The following PLCH2 variants were observed in gnomAD, a reference collection of about 807,000 sequenced individuals.
The protein encoded by PLCH2 is phospholipase C eta 2.
In PLCH2, 98 loss-of-function variants were observed where a neutral mutation model predicts 134.7. The ratio of observed to expected loss-of-function variants is 0.73; its 90% CI spans 0.62 to 0.86. PLCH2 has a LOEUF of 0.86. Among genes scored for constraint, PLCH2 ranks in the 40% least tolerant of loss-of-function variants. The pLI, the probability that PLCH2 is intolerant of heterozygous loss-of-function variation, is 0.00. For missense variants in PLCH2, 1,994 were observed against 1,986.6 expected (o/e 1.00, Z -0.07); for synonymous variants, 974 against 827.5 (o/e 1.18, Z -3.04).
chr1:2,423,538 C>T (rs755845147), upstream of PLCH2, among the ~76,000 whole-genome samples: 32 of 152,078 alleles, frequency 2.1e-4, no homozygotes, highest in Non-Finnish European at 2.4e-4. Context: ...AAATCCACCT[C>T]CCCTGGAGTT....
intron 2 of PLCH2, among the ~76,000 whole-genome samples, chr1:2,441,198 A>G (rs1639676334): frequency 6.6e-6 from 1 of 152,178 alleles, no homozygotes; most frequent in Non-Finnish European, 1.5e-5. Context: ...GGGGATGGGA[A>G]AAGTGGAGAG....
In PLCH2 at chr1:2,504,053, C is replaced by T; in HGVS notation, c.3091C>T (p.Pro1031Ser). 6.5e-7 allele frequency: 1 copy of T among 1,546,470 alleles called. No homozygotes were observed. Among genetic ancestry groups the T allele is most frequent in the Non-Finnish European group, 8.7e-7 (1 of 1,144,738 alleles). ...CCCCACCAGCTCTTCTCAGGGACGG[C>T]CCCCATACCCCACAGGACCCGGAGC... ...AVPTSSSQGR[P>S]PYPTGPGANV... Residue 1031 changes from proline (P) to serine (S), a missense_variant, in exon 22 of 22, where the codon CCC becomes TCC. Pro to Ser is a moderately conservative substitution (Grantham distance 74). Coordinates refer to ENST00000378486, the MANE Select transcript of PLCH2 (RefSeq NM_014638.4).
At chr1:2,483,057 C>T (rs572370809) in intron 4 of PLCH2, among the ~76,000 whole-genome samples, 5 of 152,172 alleles carry the variant, frequency 3.3e-5, no homozygotes, top group African/African-American at 4.8e-5. Flanking sequence ...GAGGACCCAG[C>T]GGGGCTTGTC....
At position 2,504,131 on chromosome 1, in the gene PLCH2, C is replaced by T. The variant is rs957287759; in HGVS notation, c.3169C>T (p.Arg1057Trp). ...TGAGGAGCCCCGAGACAGCAGGCCTCGGCCGTGCAACGGCGAGGGCGCCGG... is the reference window on the plus strand; with the variant it reads ...TGAGGAGCCCCGAGACAGCAGGCCTTGGCCGTGCAACGGCGAGGGCGCCGG... The part of the protein sequence containing the change: ...DTEEPRDSRP[R>W]PCNGEGAGGA... Residue 1057 changes from arginine to tryptophan, a missense_variant, in exon 22 of 22, where the codon CGG becomes TGG. Transcript: ENST00000378486. The T allele has an allele frequency of 5.6e-5, 86 of 1,522,942 alleles. No individual in the cohort carries two copies. Among genetic ancestry groups the T allele is most frequent in the East Asian group, 3.7e-4 (15 of 41,018 alleles). The allele number at this position is 1,522,942 out of a possible 1,614,324, so 94.3% of individuals were successfully genotyped here.
Position 2,489,395 on chromosome 1 carries a change from C to A in PLCH2, c.1407+17C>A. 6.2e-7 allele frequency: 1 copy of A among 1,612,194 alleles called. No homozygotes were observed. The highest frequency in any genetic ancestry group is 8.5e-7 in the Non-Finnish European group (1 of 1,178,994). ...CTCGTGAAGGTGAGTGAGCCCCTGCCCTCCTGGGACCAGCTCACACAGAGT... is the reference window on the plus strand; with the variant it reads ...CTCGTGAAGGTGAGTGAGCCCCTGCACTCCTGGGACCAGCTCACACAGAGT... On this transcript the variant is annotated intron_variant, in intron 9 of 21. Coordinates refer to ENST00000378486, the MANE Select transcript of PLCH2 (RefSeq NM_014638.4).
intron 2 of PLCH2, among the ~76,000 whole-genome samples, chr1:2,451,430 G>C (rs373997763): frequency 4.6e-5 from 7 of 152,294 alleles, no homozygotes; most frequent in African/African-American, 1.7e-4. Flanking sequence ...GATCAGTGCC[G>C]CCCCTCTGGA....
Position 2,498,809 on chromosome 1 carries a change from C to T in PLCH2, c.2415C>T (p.Thr805=). The change falls in exon 18 of 22, where the codon ACC becomes ACT. Residue 805 remains threonine (T), a synonymous_variant. Coordinates refer to ENST00000378486, the MANE Select transcript of PLCH2 (RefSeq NM_014638.4). The surrounding 1 kb of genome is among the most constrained non-coding windows in gnomAD (Gnocchi z 5.4). ...GLPVDCSREQ[T]RVVDDNGFNP... is the part of the protein sequence containing the mutation. ...CTGTGGACTGCAGCAGGGAGCAGAC[C>T]CGCGTGGTGGACGACAACGGTGAGG... 6.2e-7 allele frequency: 1 copy of T among 1,610,422 alleles called. No individual in the cohort carries two copies. Among genetic ancestry groups the T allele is most frequent in the South Asian group, 1.1e-5 (1 of 90,646 alleles).
Position 2,498,722 on chromosome 1 carries a change from C to T in PLCH2, c.2350-22C>T, listed in dbSNP as rs544683663. 24 of 1,594,348 alleles carry T rather than the reference C, an allele frequency of 1.5e-5. No homozygotes were observed. The highest frequency in any genetic ancestry group is 3.4e-4 in the Middle Eastern group (2 of 5,940). ...CGGGCATCGCGATGGGCCCTGATGCCACCCCCACTCCTGTGTCCCAGATCA... is the reference window on the plus strand; with the variant it reads ...CGGGCATCGCGATGGGCCCTGATGCTACCCCCACTCCTGTGTCCCAGATCA... On this transcript the variant is annotated intron_variant, in intron 17 of 21. Transcript: ENST00000378486. This position sits in a 1 kb window ranked among gnomAD's most constrained non-coding sequence, Gnocchi z 5.4.
At chr1:2,425,159 C>T (rs1234629127), upstream of PLCH2, among the ~76,000 whole-genome samples, 5 of 128,616 alleles carry the variant, frequency 3.9e-5, no homozygotes, top group African/African-American at 6.1e-5. Context: ...TGTGACACTC[C>T]GTCTCAAAAA....
At chr1:2,462,737 CT>C (rs1198419571), upstream of PLCH2, among the ~76,000 whole-genome samples, 1 of 151,966 alleles carries the variant, frequency 6.6e-6, no homozygotes, top group Non-Finnish European at 1.5e-5. Flanking sequence ...AGTAGGGGAT[CT>C]TTGTGCTGGG....
intron 2 of PLCH2, among the ~76,000 whole-genome samples, chr1:2,478,867 C>T (rs1476406891): frequency 6.6e-6 from 1 of 152,128 alleles, no homozygotes; most frequent in Non-Finnish European, 1.5e-5. Context: ...TGTGCCCAGC[C>T]CTGTGCTGAG....
chr1:2,450,309 G>T (rs906386867), intron 2 of PLCH2, among the ~76,000 whole-genome samples: 3 of 152,072 alleles, frequency 2.0e-5, no homozygotes, highest in African/African-American at 7.2e-5. Flanking sequence ...CTCCAGCACA[G>T]GCGGCCGGTC....
intron 2 of PLCH2, among the ~76,000 whole-genome samples, chr1:2,450,539 T>TTGTCCCCCAATTCCCCACC (rs1323970534): frequency 4.4e-5 from 1 of 22,680 alleles, no homozygotes; most frequent in Non-Finnish European, 8.4e-5. Context: ...CACTCCCCGC[T>TTGTCCCCCAATTCCCCACC]TGCCCCCCAA....
chr1:2,504,811 G>T lies in PLCH2; in HGVS notation c.3849G>T (p.Pro1283=). Residue 1283 remains proline, a synonymous_variant, in exon 22 of 22, where the codon CCG becomes CCT. Coordinates refer to ENST00000378486, the MANE Select transcript of PLCH2 (RefSeq NM_014638.4). The part of the protein sequence containing the change: ...SRRLSHSLGL[P]GGTRRVSGPG... ...GACTGAGCCACAGCCTGGGCCTCCCGGGAGGGACACGGCGGGTGTCGGGGC... is the reference window on the plus strand; with the variant it reads ...GACTGAGCCACAGCCTGGGCCTCCCTGGAGGGACACGGCGGGTGTCGGGGC... 6.2e-7 allele frequency: 1 copy of T among 1,611,280 alleles called. No homozygotes were observed. Among genetic ancestry groups the T allele is most frequent in the East Asian group, 2.2e-5 (1 of 44,840 alleles).
chr1:2,505,318 T>G lies in PLCH2; in HGVS notation c.*105T>G, dbSNP rs1570520091. Reference sequence around the variant, plus strand: ...CCAGGCCCCCAAAACTGTGTCCCCCTGGCTGCCCTGTGTCCCCTCCACCCC... The same window carrying G: ...CCAGGCCCCCAAAACTGTGTCCCCCGGGCTGCCCTGTGTCCCCTCCACCCC... On this transcript the variant is annotated 3_prime_UTR_variant, in exon 22 of 22. Transcript: ENST00000378486. 4.8e-6 allele frequency: 4 copies of G among 834,008 alleles called. No homozygotes were observed. The highest frequency in any genetic ancestry group is 3.5e-5 in the South Asian group (2 of 56,728). The allele number at this position is 834,008 out of a possible 1,614,324, so 51.7% of individuals were successfully genotyped here.
intron 2 of PLCH2, among the ~76,000 whole-genome samples, chr1:2,437,967 C>G (rs1639511893): frequency 6.6e-6 from 1 of 152,248 alleles, no homozygotes; most frequent in African/African-American, 2.4e-5. Context: ...CCTTGCCTGC[C>G]TCTGCCACCC....
At chr1:2,445,014 C>A (rs1484368799) in intron 2 of PLCH2, among the ~76,000 whole-genome samples, 4 of 152,094 alleles carry the variant, frequency 2.6e-5, no homozygotes, top group Non-Finnish European at 4.4e-5. Context: ...TGTCCTATCT[C>A]CTGCTTGGTT....
At chr1:2,465,419 G>C (rs112539389), upstream of PLCH2, among the ~76,000 whole-genome samples, 27 of 152,312 alleles carry the variant, frequency 1.8e-4, no homozygotes, top group African/African-American at 6.5e-4. Flanking sequence ...CCTCCCAGCT[G>C]TGCCGGCCCA....
chr1:2,503,892 G>A, intron 21 of PLCH2, 30 bp from the exon 22 acceptor site: 2 of 703,638 alleles, frequency 2.8e-6, no homozygotes, highest in East Asian at 2.7e-5. Context: ...TCTCCCTCTG[G>A]CTCTCTCTCA....
Sources: gnomAD v4.1 joint callset for allele counts (sites outside exome capture counted in the v4.1 genomes callset) on GRCh38, gnomAD v4.1.1 for gene constraint, Gnocchi (gnomAD v3.1) non-coding constraint, MANE v1.5 for transcripts, NCBI Gene and HGNC (gene_info 2026-07-23, HGNC 2026-07-21) for gene names.